The following HDAC9 variants were observed in gnomAD, a reference collection of about 807,000 sequenced individuals.
The protein encoded by HDAC9 is histone deacetylase 9.
A neutral mutation model predicts 139.4 loss-of-function variants in HDAC9; 41 were observed. The observed-to-expected ratio is 0.29, with a 90% confidence interval of 0.23 to 0.38. The LOEUF (loss-of-function observed/expected upper bound fraction) is 0.38, where lower values mean the gene tolerates loss of function less well. HDAC9 is among the 10% of genes least tolerant of loss of function. The pLI is 1.00. For synonymous variants in HDAC9, 517 were observed against 476.2 expected (o/e 1.09, Z -1.12); for missense variants, 1,147 against 1,297.0 (o/e 0.88, Z 1.78).
chr7:18,166,629 A>G (rs996758427), intron 2 of HDAC9, among the ~76,000 whole-genome samples: 2 of 152,222 alleles, frequency 1.3e-5, no homozygotes, highest in African/African-American at 4.8e-5. Flanking sequence ...GCATTTTTAA[A>G]GAGGACTAAT....
At chr7:18,356,904 T>A (rs1379539664) in intron 1 of HDAC9, among the ~76,000 whole-genome samples, 1 of 152,154 alleles carries the variant, frequency 6.6e-6, no homozygotes, top group East Asian at 1.9e-4. Context: ...GTTTTTTGAT[T>A]GTTGTTCTTT....
intron 6 of HDAC9, among the ~76,000 whole-genome samples, chr7:18,619,919 A>G (rs1399517394): frequency 6.6e-6 from 1 of 152,080 alleles, no homozygotes; most frequent in Non-Finnish European, 1.5e-5. Flanking sequence ...TCCTCTTTCA[A>G]AGCAAATGAA....
chr7:18,674,326 C>G (rs917478794), intron 12 of HDAC9, among the ~76,000 whole-genome samples: 1 of 151,964 alleles, frequency 6.6e-6, no homozygotes, highest in Non-Finnish European at 1.5e-5. Flanking sequence ...TGTGGTCAAC[C>G]TACAGTAATT....
At chr7:18,163,540 C>G (rs1787803960) in intron 2 of HDAC9, among the ~76,000 whole-genome samples, 1 of 152,170 alleles carries the variant, frequency 6.6e-6, no homozygotes, top group African/African-American at 2.4e-5. Flanking sequence ...GTTCCCTTGA[C>G]AATGCTGTTG....
chr7:18,545,120 G>A (rs762430088), intron 2 of HDAC9, among the ~76,000 whole-genome samples: 3 of 152,144 alleles, frequency 2.0e-5, no homozygotes. Context: ...TGCACTAAAC[G>A]TATGGTTCCC....
At chr7:18,836,602 G>A (rs1207439967) in intron 21 of HDAC9, among the ~76,000 whole-genome samples, 1 of 152,032 alleles carries the variant, frequency 6.6e-6, no homozygotes, top group Non-Finnish European at 1.5e-5. Context: ...TATTCACATA[G>A]CATTCTGCTT....
intron 13 of HDAC9, among the ~76,000 whole-genome samples, chr7:18,730,880 A>T (rs192585309): frequency 3.7e-4 from 57 of 152,328 alleles, no homozygotes; most frequent in African/African-American, 1.2e-3. Flanking sequence ...TGGCACATCC[A>T]AACTGTTAGC....
intron 2 of HDAC9, among the ~76,000 whole-genome samples, chr7:18,537,272 C>T (rs1210763686): frequency 6.6e-6 from 1 of 152,098 alleles, no homozygotes; most frequent in African/African-American, 2.4e-5. Flanking sequence ...AGAAACATAT[C>T]TGTTATCGTT....
chr7:18,472,707 T>C (rs1308969187), intron 1 of HDAC9, among the ~76,000 whole-genome samples: 1 of 152,156 alleles, frequency 6.6e-6, no homozygotes, highest in African/African-American at 2.4e-5. Flanking sequence ...CAACCACCCT[T>C]TCTAAATACA....
chr7:18,861,653 G>A (rs866771767), intron 21 of HDAC9, among the ~76,000 whole-genome samples: 51 of 152,154 alleles, frequency 3.4e-4, no homozygotes, highest in Non-Finnish European at 6.3e-4. Context: ...CTCAGAATTA[G>A]TCAGAAATGT....
At chr7:18,661,553 A>G (rs1793139447) in intron 11 of HDAC9, among the ~76,000 whole-genome samples, 2 of 152,072 alleles carry the variant, frequency 1.3e-5, no homozygotes, top group African/African-American at 2.4e-5. Context: ...TCAAATTCAT[A>G]TCTTACAATC....
At chr7:18,761,541 C>A (rs147969576) in intron 14 of HDAC9, among the ~76,000 whole-genome samples, 9 of 152,172 alleles carry the variant, frequency 5.9e-5, no homozygotes, top group Non-Finnish European at 1.0e-4. Flanking sequence ...GTCAAATTGC[C>A]ATAAAAGTTT....
At chr7:18,189,986 C>G (rs972207925) in intron 2 of HDAC9, among the ~76,000 whole-genome samples, 6 of 151,936 alleles carry the variant, frequency 3.9e-5, no homozygotes, top group African/African-American at 1.2e-4. Context: ...GTTGCCCAGG[C>G]TGGAGTACAG....
At chr7:18,785,108 C>T (rs868796392) in intron 16 of HDAC9, among the ~76,000 whole-genome samples, 11 of 151,782 alleles carry the variant, frequency 7.2e-5, no homozygotes, top group Non-Finnish European at 1.0e-4. Context: ...TTTCCTTTGG[C>T]GTATTAAGGA....
At chr7:18,615,684 T>A (rs1381416946) in intron 6 of HDAC9, among the ~76,000 whole-genome samples, 1 of 152,194 alleles carries the variant, frequency 6.6e-6, no homozygotes, top group African/African-American at 2.4e-5. Context: ...TACTACTCTT[T>A]AATTCCTACT....
chr7:18,982,289 C>T (rs1405527403), intron 25 of HDAC9, among the ~76,000 whole-genome samples: 1 of 152,064 alleles, frequency 6.6e-6, no homozygotes, highest in Non-Finnish European at 1.5e-5. Context: ...AAAAACAAAA[C>T]AAAACAACTG....
At chr7:18,871,870 A>G (rs996965077) in intron 21 of HDAC9, among the ~76,000 whole-genome samples, 3 of 152,178 alleles carry the variant, frequency 2.0e-5, no homozygotes, top group Non-Finnish European at 4.4e-5. Context: ...AGAGGAGAAC[A>G]AGAGTTTAAT....
intron 2 of HDAC9, chr7:18,162,369 A>C (rs561761258): frequency 1.3e-6 from 2 of 1,531,676 alleles, no homozygotes; most frequent in Admixed American, 2.0e-5. Context: ...GTTGCTTCTT[A>C]AACTGTTAAT....
chr7:18,686,539 A>C (rs10486289), intron 12 of HDAC9, among the ~76,000 whole-genome samples: 1 of 151,844 alleles, frequency 6.6e-6, no homozygotes, highest in African/African-American at 2.4e-5. Context: ...CCATTCTTAT[A>C]TTACATACTT....
Sources: allele counts gnomAD v4.1 joint callset (sites outside exome capture counted in the v4.1 genomes callset), GRCh38; gene constraint gnomAD v4.1.1; transcripts MANE v1.5; gene names NCBI Gene and HGNC (gene_info 2026-07-23, HGNC 2026-07-21).